Variants in NCBP2 observed in about 807,000 individuals in gnomAD.
NCBP2 encodes the protein nuclear cap binding protein subunit 2.
NCBP2 carries 8 observed loss-of-function variants against 21.5 expected under a neutral mutation model. That is an observed-to-expected ratio of 0.37 (90% CI 0.22 to 0.67). NCBP2 has a LOEUF of 0.67. NCBP2 is among the 30% of genes least tolerant of loss of function. The pLI is 0.56. For synonymous variants in NCBP2, 92 were observed against 75.8 expected, an observed-to-expected ratio of 1.21 and a Z score of -1.11; for missense variants, 127 against 206.9, an observed-to-expected ratio of 0.61 and a Z score of 2.37.
intron 2 of NCBP2, chr3:196,938,559 A>G (rs1716374743): frequency 6.6e-6 from 1 of 152,256 alleles, no homozygotes; most frequent in Non-Finnish European, 1.5e-5. Flanking sequence ...TGATCAAAGT[A>G]AATAGTTTTG....
chr3:196,941,070 T>G (rs1000859702), intron 1 of NCBP2: 1 of 152,042 alleles, frequency 6.6e-6, no homozygotes, highest in Admixed American at 6.5e-5. Flanking sequence ...AGCGAGACTC[T>G]GTCTCAAAAA....
chr3:196,937,155 T>C lies in NCBP2; in HGVS notation c.400-73A>G, dbSNP rs186521661. On this transcript the variant is annotated intron_variant, in intron 3 of 3. Transcript: ENST00000321256. ...ACAAATATGCCTCCCACAAACATGT[T>C]AGACAAACAGTGAAACCTGTTCAGA... 1.1e-5 allele frequency: 16 copies of C among 1,402,774 alleles called. No individual in the cohort carries two copies. In the Admixed American group the frequency reaches 1.5e-4, roughly 13 times the overall value. 86.9% of individuals were successfully genotyped at this position (1,402,774 alleles called of 1,614,324 possible). A position where few individuals can be genotyped will look rare whatever the true frequency, so the allele number is the denominator to read the frequency against.
intron 1 of NCBP2, chr3:196,941,905 G>C (rs1343646415): frequency 1.3e-6 from 2 of 1,536,092 alleles, no homozygotes; most frequent in African/African-American, 2.7e-5. Context: ...CGAGGGCGGA[G>C]TGAGGACTCC....
intron 1 of NCBP2, chr3:196,942,090 C>T: frequency 1.3e-6 from 2 of 1,503,334 alleles, no homozygotes. Context: ...ACCCCTCCCC[C>T]TTGCTACGTA....
chr3:196,941,569 C>T, intron 1 of NCBP2: 1 of 343,534 alleles, frequency 2.9e-6, no homozygotes, highest in Non-Finnish European at 5.3e-6. Flanking sequence ...GGATTATGAG[C>T]TCGCAGAGCG....
At position 196,942,515 on chromosome 3, in the gene NCBP2, G is replaced by C. The variant is rs377407736; in HGVS notation, c.-12C>G. ...AGGCCACCCGACATAGTGCAGAGAAGCGGACCACAATGCGGCGACTCCCGG... is the reference window on the plus strand; with the variant it reads ...AGGCCACCCGACATAGTGCAGAGAACCGGACCACAATGCGGCGACTCCCGG... On this transcript the variant is annotated 5_prime_UTR_variant, in exon 1 of 4. Coordinates refer to ENST00000321256, the MANE Select transcript of NCBP2 (RefSeq NM_007362.5). 3.7e-6 allele frequency: 6 copies of C among 1,610,010 alleles called. No individual in the cohort carries two copies. The African/African-American group carries it at 4.0e-5, about 11-fold the overall frequency.
In NCBP2 at chr3:196,942,514, AGCG is replaced by A. The variant is rs748540972; in HGVS notation, c.-14_-12del. The A allele has an allele frequency of 1.2e-6, 2 of 1,609,568 alleles. No individual in the cohort carries two copies. Among genetic ancestry groups the A allele is most frequent in the Non-Finnish European group, 1.7e-6 (2 of 1,177,912 alleles). On this transcript the variant is annotated 5_prime_UTR_variant, in exon 1 of 4. Coordinates refer to ENST00000321256, the MANE Select transcript of NCBP2 (RefSeq NM_007362.5). The stretch of plus-strand genomic sequence containing the variant: ...GAGGCCACCCGACATAGTGCAGAGA[AGCG>A]GACCACAATGCGGCGACTCCCGGCA...
chr3:196,936,379 T>G lies in NCBP2; in HGVS notation c.*632A>C, dbSNP rs116235341. On this transcript the variant is annotated 3_prime_UTR_variant, in exon 4 of 4. Coordinates refer to ENST00000321256, the MANE Select transcript of NCBP2 (RefSeq NM_007362.5). The stretch of plus-strand genomic sequence containing the variant: ...AGAATTCACAGAAAACAAATTCAAT[T>G]GTCAAACACCTGTTCCTAATTTTGT... 6.6e-3 allele frequency: 1,005 copies of G among 152,786 alleles called. 13 individuals are homozygous for G. Among genetic ancestry groups the G allele is most frequent in the African/African-American group, 0.023 (952 of 41,574 alleles). 9.5% of individuals were successfully genotyped at this position (152,786 alleles called of 1,614,324 possible).
At chr3:196,937,301 T>C in intron 3 of NCBP2, 1 of 800,304 alleles carries the variant, frequency 1.2e-6, no homozygotes, top group Non-Finnish European at 2.0e-6. Flanking sequence ...AGTTCAAGAA[T>C]GGTTGCTTGT....
At chr3:196,937,110 G>A (rs757383696) in intron 3 of NCBP2, 28 bp from the exon 4 acceptor site, 2 of 1,603,664 alleles carry the variant, frequency 1.2e-6, no homozygotes, top group Non-Finnish European at 1.7e-6. Context: ...CAGAGTTACA[G>A]TATGGAAAAG....
At chr3:196,942,246 CT>C in intron 1 of NCBP2, 179 bp downstream of exon 1, 1 of 1,472,870 alleles carries the variant, frequency 6.8e-7, no homozygotes, top group Non-Finnish European at 9.0e-7. Context: ...GAGCAAGTGG[CT>C]TCAGTGATAT....
In NCBP2 at chr3:196,935,656, G is replaced by C. The variant is rs568460408; in HGVS notation, c.*1355C>G. ...TTTCTACACTCAGTTTAACGGGAGA[G>C]ACATTCACACTTAGGTACTTCAGCC... On this transcript the variant is annotated 3_prime_UTR_variant, in exon 4 of 4. Transcript: ENST00000321256. The C allele has an allele frequency of 6.6e-6, 1 of 152,280 alleles. No individual in the cohort carries two copies. The highest frequency in any genetic ancestry group is 1.9e-4 in the East Asian group (1 of 5,192). 9.4% of individuals were successfully genotyped at this position (152,280 alleles called of 1,614,324 possible).
Position 196,936,906 on chromosome 3 carries a change from G to A in NCBP2, c.*105C>T. ...AGGCTTCCAGCTCAGTAAAGACACT[G>A]ATCAAATCTTGGTAAAAATGGGCTC... On this transcript the variant is annotated 3_prime_UTR_variant, in exon 4 of 4. Transcript: ENST00000321256. The A allele has an allele frequency of 9.6e-7, 1 of 1,037,726 alleles. No individual in the cohort carries two copies. Among genetic ancestry groups the A allele is most frequent in the South Asian group, 1.3e-5 (1 of 78,458 alleles). The allele number at this position is 1,037,726 out of a possible 1,614,324, so 64.3% of individuals were successfully genotyped here. A position where few individuals can be genotyped will look rare whatever the true frequency, so the allele number is the denominator to read the frequency against.
Position 196,942,255 on chromosome 3 carries a change from T to C in NCBP2, c.78+171A>G. On this transcript the variant is annotated intron_variant, in intron 1 of 3. Coordinates refer to ENST00000321256, the MANE Select transcript of NCBP2 (RefSeq NM_007362.5). ...CTTCCAGAGCAAGTGGCTTCAGTGA[T>C]ATCCAAGCGCCCTTCCAGCACCCAT... is the stretch of plus-strand genomic sequence containing the variant. The C allele has an allele frequency of 2.7e-6, 4 of 1,477,974 alleles. No individual in the cohort carries two copies. In the South Asian group the frequency reaches 4.1e-5, roughly 15 times the overall value. The allele number at this position is 1,477,974 out of a possible 1,614,324, so 91.6% of individuals were successfully genotyped here.
In NCBP2 at chr3:196,942,401, C is replaced by T. The variant is rs754920063; in HGVS notation, c.78+25G>A. 5.0e-6 allele frequency: 8 copies of T among 1,608,896 alleles called. No homozygotes were observed. The South Asian group carries it at 8.9e-5, about 18-fold the overall frequency. ...TCAGCGTTCTTGCCCAGGGCCTTCC[C>T]GTCTCGCGGCCCGGCCTCCCTCACC... On this transcript the variant is annotated intron_variant, in intron 1 of 3. Coordinates refer to ENST00000321256, the MANE Select transcript of NCBP2 (RefSeq NM_007362.5).
At position 196,942,486 on chromosome 3, in the gene NCBP2, CAGG is replaced by C; in HGVS notation, c.15_17del (p.Leu6del). On this transcript the variant is annotated inframe_deletion, in exon 1 of 4. Transcript: ENST00000321256. ...CGTAGGAGTCGCTGCGCAGCGCCTT[CAGG>C]AGGCCACCCGACATAGTGCAGAGAA... The C allele has an allele frequency of 1.2e-6, 2 of 1,613,212 alleles. No individual in the cohort carries two copies. The highest frequency in any genetic ancestry group is 2.7e-5 in the African/African-American group (2 of 75,030).
chr3:196,941,928 C>T, intron 1 of NCBP2: 5 of 1,536,272 alleles, frequency 3.3e-6, no homozygotes, highest in Non-Finnish European at 4.4e-6. Flanking sequence ...TTGTGTCTCC[C>T]ACGCACCGCG....
At chr3:196,939,997 G>A in intron 1 of NCBP2, 1 of 152,396 alleles carries the variant, frequency 6.6e-6, no homozygotes, top group East Asian at 1.9e-4. Context: ...TGGGATGACA[G>A]GATGAAGCCA....
At chr3:196,937,811 A>T in intron 2 of NCBP2, 163 bp from the exon 3 acceptor site, 1 of 718,888 alleles carries the variant, frequency 1.4e-6, no homozygotes, top group South Asian at 1.7e-5. Flanking sequence ...ATTGGTTTGG[A>T]AGCACATAGA....
Sources: allele counts gnomAD v4.1 joint callset, GRCh38; gene constraint gnomAD v4.1.1; transcripts MANE v1.5; gene names NCBI Gene and HGNC (gene_info 2026-07-23, HGNC 2026-07-21).